SMC5: variants seen among roughly 807,000 people sequenced by gnomAD.
The protein encoded by SMC5 is structural maintenance of chromosomes protein 5.
In SMC5, 88 loss-of-function variants were observed where a neutral mutation model predicts 148.3. The ratio of observed to expected loss-of-function variants is 0.59; its 90% CI spans 0.50 to 0.71. The LOEUF (loss-of-function observed/expected upper bound fraction) is 0.71, where lower values mean the gene tolerates loss of function less well. Ranked by LOEUF, SMC5 falls within the 30% of genes least tolerant of loss-of-function variation. The probability of loss-of-function intolerance (pLI) is 0.00; values close to 1 mark genes in which losing one functional copy is unlikely to be tolerated. For missense variants in SMC5, 1,142 were observed against 1,298.9 expected (o/e 0.88, Z 1.86); for synonymous variants, 421 against 432.8 (o/e 0.97, Z 0.34).
intron 5 of SMC5, among the ~76,000 whole-genome samples, chr9:70,279,975 G>A (rs1047891193): frequency 2.8e-4 from 42 of 152,042 alleles, no homozygotes; most frequent in Non-Finnish European, 5.4e-4. Flanking sequence ...CTCTTAAACT[G>A]TGACTTTATA....
Position 70,277,486 on chromosome 9 carries a change from A to G in SMC5, c.543+14A>G. 1 of 1,562,380 alleles carries G rather than the reference A, an allele frequency of 6.4e-7. No individual in the cohort carries two copies. Among genetic ancestry groups the G allele is most frequent in the Non-Finnish European group, 8.6e-7 (1 of 1,159,410 alleles). On this transcript the variant is annotated intron_variant, in intron 4 of 24. Transcript: ENST00000361138. ...TTTCTCCCTCAGGTATGAGAGAAAT[A>G]AATGTAAAGATGGGAAAATTTTGTA... is the stretch of plus-strand genomic sequence containing the variant.
Position 70,323,415 on chromosome 9 carries a change from G to A in SMC5, c.2151-68G>A. On this transcript the variant is annotated intron_variant, in intron 15 of 24. Coordinates refer to ENST00000361138, the MANE Select transcript of SMC5 (RefSeq NM_015110.4). ...AAATATATCCCAGAAAACTGGGGGG[G>A]ACCTAAGAATTTGGGATCAATTCTT... 5 of 1,456,464 alleles carry A rather than the reference G, an allele frequency of 3.4e-6. No individual in the cohort carries two copies. The South Asian group carries it at 4.4e-5, about 13-fold the overall frequency. The allele number at this position is 1,456,464 out of a possible 1,614,324, so 90.2% of individuals were successfully genotyped here.
At chr9:70,289,657 G>T (rs2035007326) in intron 8 of SMC5, among the ~76,000 whole-genome samples, 1 of 151,494 alleles carries the variant, frequency 6.6e-6, no homozygotes, top group Admixed American at 6.6e-5. Context: ...GTTAACCAAG[G>T]TTTTCTCATT....
intron 17 of SMC5, among the ~76,000 whole-genome samples, chr9:70,341,091 A>G (rs1334567116): frequency 6.6e-6 from 1 of 152,178 alleles, no homozygotes; most frequent in Non-Finnish European, 1.5e-5. Context: ...GCATTATCTG[A>G]TATAATTATA....
rs370678012 is a variant in SMC5 at position 70,297,461 on chromosome 9, T to TA, written c.1054-503dup. ...TAGTGCAAAAATAATGTGTTCTGGGTAATTTGTGGTGTCATGTCAGCACTA... is the reference window on the plus strand; with the variant it reads ...TAGTGCAAAAATAATGTGTTCTGGGTAAATTTGTGGTGTCATGTCAGCACTA... On this transcript the variant is annotated intron_variant, in intron 8 of 24. Transcript: ENST00000361138. Among the ~76,000 whole-genome samples the TA allele has an allele frequency of 4.3e-3, 661 of 152,336 alleles. 6 individuals are homozygous for TA. Among genetic ancestry groups the TA allele is most frequent in the African/African-American group, 0.015 (604 of 41,556 alleles).
At chr9:70,297,642 G>A (rs767066944) in intron 8 of SMC5, among the ~76,000 whole-genome samples, 1 of 151,996 alleles carries the variant, frequency 6.6e-6, no homozygotes, top group East Asian at 1.9e-4. Flanking sequence ...TTGGTCTTAC[G>A]GCATATAGTA....
At chr9:70,344,018 C>T (rs112216297) in intron 17 of SMC5, 126 bp from the exon 18 acceptor site, 1 of 536,486 alleles carries the variant, frequency 1.9e-6, no homozygotes, top group Non-Finnish European at 2.9e-6. Flanking sequence ...ATTTAAGAAA[C>T]AGTTTCAGAT....
At chr9:70,294,397 A>G (rs940838895) in intron 8 of SMC5, among the ~76,000 whole-genome samples, 14 of 152,210 alleles carry the variant, frequency 9.2e-5, no homozygotes, top group African/African-American at 3.4e-4. Context: ...ATAGATAGTT[A>G]GAAGGTATAT....
At position 70,259,186 on chromosome 9, in the gene SMC5, C is replaced by G. The variant is rs1162178900; in HGVS notation, c.108C>G (p.Ala36=). 1.2e-6 allele frequency: 2 copies of G among 1,609,216 alleles called. No homozygotes were observed. Among genetic ancestry groups the G allele is most frequent in the Non-Finnish European group, 1.7e-6 (2 of 1,177,868 alleles). ...TCCCGAGCAAGAGGAAGAATTCGGC[C>G]CCGCAGCTGCCGCTGTTGCAGTCGT... ...SEVPSKRKNS[A]PQLPLLQSSG... Residue 36 remains alanine, a synonymous_variant, in exon 1 of 25, where the codon GCC becomes GCG. Coordinates refer to ENST00000361138, the MANE Select transcript of SMC5 (RefSeq NM_015110.4).
intron 3 of SMC5, among the ~76,000 whole-genome samples, chr9:70,269,475 G>C (rs2034386107): frequency 6.6e-6 from 1 of 152,054 alleles, no homozygotes; most frequent in African/African-American, 2.4e-5. Flanking sequence ...AGCTACTTAG[G>C]AAACTGAGAT....
At chr9:70,300,838 T>G (rs771806979) in intron 10 of SMC5, among the ~76,000 whole-genome samples, 6 of 152,140 alleles carry the variant, frequency 3.9e-5, no homozygotes, top group African/African-American at 4.8e-5. Flanking sequence ...ACTAACATTC[T>G]TTGGTAATGA....
chr9:70,282,560 T>C lies in SMC5; in HGVS notation c.958T>C (p.Leu320=), dbSNP rs370664483. The change falls in exon 7 of 25, where the codon TTG becomes CTG. Residue 320 remains leucine, a synonymous_variant. Transcript: ENST00000361138. ...IEEMENERHN[L]EARIKEKATD... is the part of the protein sequence containing the mutation. ...AGAAATGGAAAACGAGCGTCACAAT[T>C]TGGAGGCTCGAATCAAAGAAAAGGT... 1.9e-6 allele frequency: 3 copies of C among 1,583,374 alleles called. No homozygotes were observed.
intron 11 of SMC5, among the ~76,000 whole-genome samples, chr9:70,310,302 G>A (rs2035624129): frequency 6.6e-6 from 1 of 152,244 alleles, no homozygotes; most frequent in Admixed American, 6.5e-5. Flanking sequence ...CAGATTGGAT[G>A]TTGTGTTTGC....
intron 19 of SMC5, 99 bp from the exon 20 acceptor site, chr9:70,346,967 G>T: frequency 1.2e-6 from 1 of 865,512 alleles, no homozygotes; most frequent in South Asian, 1.7e-5. Context: ...GCATGCTGTT[G>T]AACAGATAGA....
intron 17 of SMC5, among the ~76,000 whole-genome samples, chr9:70,327,694 C>T (rs2036116492): frequency 6.6e-6 from 1 of 152,150 alleles, no homozygotes; most frequent in Non-Finnish European, 1.5e-5. Flanking sequence ...GCTGTTACTA[C>T]TTTGCAGCTG....
Position 70,258,983 on chromosome 9 carries a change from G to C in SMC5, c.-96G>C. On this transcript the variant is annotated 5_prime_UTR_variant, in exon 1 of 25. Transcript: ENST00000361138. ...GCGCGGTAACAGTTCGCGGCAGTTCGCGCGGGAGCGGGGCGCCTGGGTGGA... is the reference window on the plus strand; with the variant it reads ...GCGCGGTAACAGTTCGCGGCAGTTCCCGCGGGAGCGGGGCGCCTGGGTGGA... 2 of 1,403,870 alleles carry C rather than the reference G, an allele frequency of 1.4e-6. No individual in the cohort carries two copies. The allele number at this position is 1,403,870 out of a possible 1,614,324, so 87.0% of individuals were successfully genotyped here.
chr9:70,318,659 A>G lies in SMC5; in HGVS notation c.1952A>G (p.Gln651Arg), dbSNP rs1023663904. The G allele has an allele frequency of 6.2e-7, 1 of 1,606,362 alleles. No homozygotes were observed. Among genetic ancestry groups the G allele is most frequent in the South Asian group, 1.1e-5 (1 of 88,992 alleles). ...CTCACTGTCACTGTGGACCTAGAGC[A>G]GAGAAGACACTTAGAAGAACAGCTA... is the stretch of plus-strand genomic sequence containing the variant. ...QFLTVTVDLE[Q>R]RRHLEEQLKE... Residue 651 changes from glutamine (Q) to arginine (R), a missense_variant, in exon 14 of 25, where the codon CAG (glutamine) becomes CGG (arginine). By Grantham distance (43) the Gln-to-Arg change is conservative (BLOSUM62 1). Transcript: ENST00000361138.
intron 11 of SMC5, among the ~76,000 whole-genome samples, chr9:70,307,255 G>A (rs1564048539): frequency 6.6e-6 from 1 of 152,180 alleles, no homozygotes; most frequent in Non-Finnish European, 1.5e-5. Flanking sequence ...TAACCGGGTG[G>A]GGTGGTGTGC....
Position 70,352,596 on chromosome 9 carries a change from T to C in SMC5, c.*265T>C, listed in dbSNP as rs1156340386. On this transcript the variant is annotated 3_prime_UTR_variant, in exon 25 of 25. Transcript: ENST00000361138. ...GTCATTCAGTTCTCATGTTAAAATG[T>C]ACTTAATATTACAAATCAAAGGTAC... 3.1e-6 allele frequency: 1 copy of C among 317,972 alleles called. No individual in the cohort carries two copies. Among genetic ancestry groups the C allele is most frequent in the Non-Finnish European group, 5.8e-6 (1 of 173,846 alleles). The allele number at this position is 317,972 out of a possible 1,614,324, so 19.7% of individuals were successfully genotyped here. A position where few individuals can be genotyped will look rare whatever the true frequency, so the allele number is the denominator to read the frequency against.
Sources: allele counts gnomAD v4.1 joint callset (sites outside exome capture counted in the v4.1 genomes callset), GRCh38; gene constraint gnomAD v4.1.1; transcripts MANE v1.5; gene names NCBI Gene and HGNC (gene_info 2026-07-23, HGNC 2026-07-21).